The following POLR3B variants were observed in gnomAD, a reference collection of about 807,000 sequenced individuals.
POLR3B encodes the protein RNA polymerase III subunit B.
Under a neutral mutation model 147.4 loss-of-function variants are expected in POLR3B, and 96 were observed. That is an observed-to-expected ratio of 0.65 (90% CI 0.55 to 0.77). The LOEUF is 0.77. Among genes scored for constraint, POLR3B ranks in the 30% least tolerant of loss-of-function variants. The pLI is 0.00. For synonymous variants in POLR3B, 461 were observed against 485.9 expected (o/e 0.95, Z 0.67); for missense variants, 1,036 against 1,413.5 (o/e 0.73, Z 4.28).
chr12:106,455,948 G>A (rs1190399376), intron 20 of POLR3B, among the ~76,000 whole-genome samples: 1 of 152,114 alleles, frequency 6.6e-6, no homozygotes, highest in Non-Finnish European at 1.5e-5. Context: ...ACTTTTACCT[G>A]ATTGATTTCT....
intron 12 of POLR3B, among the ~76,000 whole-genome samples, chr12:106,412,828 C>T (rs531495689): frequency 6.6e-6 from 1 of 152,296 alleles, no homozygotes; most frequent in East Asian, 1.9e-4. Context: ...CTTGTTTCAG[C>T]TCTCATACTG....
At position 106,463,527 on chromosome 12, in the gene POLR3B, A is replaced by T; in HGVS notation, c.2620A>T (p.Asn874Tyr). The T allele has an allele frequency of 6.2e-7, 1 of 1,610,178 alleles. No individual in the cohort carries two copies. The part of the protein sequence containing the change: ...SYIEKVMISS[N>Y]AEDAFLIKML... ...TATTGAAAAAGTGATGATATCTTCA[A>T]ATGCTGAAGATGCTTTTCTGATCAA... The change falls in exon 23 of 28, where the codon AAT becomes TAT. Residue 874 changes from asparagine (N) to tyrosine (Y), a missense_variant. Asn to Tyr is a moderately radical substitution (Grantham distance 143). Coordinates refer to ENST00000228347, the MANE Select transcript of POLR3B (RefSeq NM_018082.6).
intron 10 of POLR3B, among the ~76,000 whole-genome samples, chr12:106,398,030 G>A (rs1253956343): frequency 6.6e-6 from 1 of 152,238 alleles, no homozygotes; most frequent in Non-Finnish European, 1.5e-5. Context: ...AAAGCAGGGC[G>A]ACGCATCACC....
intron 22 of POLR3B, among the ~76,000 whole-genome samples, chr12:106,462,855 C>T (rs1565903992): frequency 6.6e-6 from 1 of 152,108 alleles, no homozygotes; most frequent in Admixed American, 6.5e-5. Flanking sequence ...TTGCCACTTC[C>T]TGCCACCACT....
Position 106,504,163 on chromosome 12 carries a change from A to G in POLR3B, c.3181A>G (p.Ser1061Gly). Residue 1061 changes from serine (S) to glycine (G), a missense_variant, in exon 27 of 28, where the codon AGT becomes GGT. Around this residue, in one of 12 missense-constraint regions of POLR3B, gnomAD observed 69 missense variants for 89.8 expected, o/e 0.77. Transcript: ENST00000228347. This position sits in a 1 kb window ranked among gnomAD's most constrained non-coding sequence, Gnocchi z 4.6. ...ERDCLIGYGA[S>G]MLLLERLMIS... is the part of the protein sequence containing the mutation. ...TGACTGTTTAATCGGTTATGGAGCC[A>G]GTATGCTTTTGCTAGAGAGACTAAT... 1 of 1,614,120 alleles carries G rather than the reference A, an allele frequency of 6.2e-7. No homozygotes were observed. Among genetic ancestry groups the G allele is most frequent in the Non-Finnish European group, 8.5e-7 (1 of 1,179,936 alleles).
intron 21 of POLR3B, among the ~76,000 whole-genome samples, chr12:106,458,936 G>T (rs1477024587): frequency 2.0e-5 from 3 of 152,164 alleles, no homozygotes; most frequent in Non-Finnish European, 2.9e-5. Context: ...AACACCCTAA[G>T]AGATATATAA....
intron 12 of POLR3B, among the ~76,000 whole-genome samples, chr12:106,426,727 T>TA (rs2037442110): frequency 6.6e-6 from 1 of 151,398 alleles, no homozygotes; most frequent in Non-Finnish European, 1.5e-5. Flanking sequence ...CAGGGATGGG[T>TA]AGATAATGGC....
At chr12:106,444,676 T>C (rs1188480754) in intron 19 of POLR3B, 86 bp downstream of exon 19, 46 of 1,413,532 alleles carry the variant, frequency 3.3e-5, no homozygotes, top group Non-Finnish European at 9.9e-7. Flanking sequence ...GCTTCACCAG[T>C]ATTATATGTT....
At chr12:106,463,663 G>C in intron 23 of POLR3B, 43 bp downstream of exon 23, 1 of 1,528,344 alleles carries the variant, frequency 6.5e-7, no homozygotes, top group Middle Eastern at 1.7e-4. Context: ...AACAATATAT[G>C]AATGTATTTG....
intron 18 of POLR3B, 118 bp from the exon 19 acceptor site, chr12:106,444,345 A>G (rs911433944): frequency 4.2e-6 from 4 of 952,612 alleles, no homozygotes; most frequent in South Asian, 1.4e-5. Context: ...ACTAGCATCA[A>G]ATTTTATTGA....
chr12:106,385,646 A>G (rs1218181898), intron 9 of POLR3B, among the ~76,000 whole-genome samples: 1 of 152,224 alleles, frequency 6.6e-6, no homozygotes, highest in Non-Finnish European at 1.5e-5. Flanking sequence ...GTAGCCCTCA[A>G]ATCAGTCTGG....
rs746506474 is a variant in POLR3B at position 106,430,351 on chromosome 12, G to A, written c.1342G>A (p.Ala448Thr). Residue 448 changes from alanine (A) to threonine (T), a missense_variant, in exon 14 of 28, where the codon GCA (alanine) becomes ACA (threonine). Physicochemically the swap from Ala to Thr is moderately conservative, Grantham distance 58 (BLOSUM62 0). This residue lies in a region of POLR3B where 89 missense variants were observed against 110.9 expected (regional missense o/e 0.80). Transcript: ENST00000228347. ...GCTGTCTCGCTTGTCATATATATCCGCACTGGGCATGATGACAAGAATCTC... is the reference window on the plus strand; with the variant it reads ...GCTGTCTCGCTTGTCATATATATCCACACTGGGCATGATGACAAGAATCTC... Reference protein sequence around the residue: ...QVLSRLSYISALGMMTRISSQ... With the variant: ...QVLSRLSYISTLGMMTRISSQ... 5.6e-6 allele frequency: 9 copies of A among 1,613,858 alleles called. No individual in the cohort carries two copies. The highest frequency in any genetic ancestry group is 4.5e-5 in the East Asian group (2 of 44,858).
chr12:106,460,654 C>T (rs1489521511), intron 22 of POLR3B, among the ~76,000 whole-genome samples: 2 of 152,190 alleles, frequency 1.3e-5, no homozygotes, highest in Admixed American at 6.5e-5. Context: ...GGTGCCTCTG[C>T]TGGTTGGCTC....
chr12:106,430,170 G>C, intron 13 of POLR3B, 103 bp from the exon 14 acceptor site: 1 of 834,650 alleles, frequency 1.2e-6, no homozygotes, highest in Non-Finnish European at 2.1e-6. Context: ...TTCTAATTTC[G>C]TAAGCATGAA....
intron 23 of POLR3B, among the ~76,000 whole-genome samples, chr12:106,489,245 AC>A (rs1439936683): frequency 1.3e-5 from 2 of 152,248 alleles, no homozygotes; most frequent in Non-Finnish European, 2.9e-5. Flanking sequence ...ATCCTTAAGG[AC>A]CAGACAGCTA....
chr12:106,456,126 T>G (rs1397062487), intron 20 of POLR3B, among the ~76,000 whole-genome samples: 1 of 152,108 alleles, frequency 6.6e-6, no homozygotes, highest in Non-Finnish European at 1.5e-5. Flanking sequence ...AGTAAGAGAA[T>G]CCAGTTTAAA....
chr12:106,451,584 T>C (rs1381284057), intron 19 of POLR3B, among the ~76,000 whole-genome samples: 1 of 124,968 alleles, frequency 8.0e-6, no homozygotes, highest in African/African-American at 3.1e-5. Context: ...ATTGTAACAC[T>C]GCACTCCAGC....
At chr12:106,366,398 A>G in intron 2 of POLR3B, 118 bp from the exon 3 acceptor site, 1 of 707,430 alleles carries the variant, frequency 1.4e-6, no homozygotes, top group East Asian at 2.7e-5. Context: ...TTTGATTTTG[A>G]TAAAAATTTG....
chr12:106,444,441 T>A (rs2037695341), intron 18 of POLR3B, 22 bp from the exon 19 acceptor site: 1 of 1,613,366 alleles, frequency 6.2e-7, no homozygotes, highest in Non-Finnish European at 8.5e-7. Context: ...TTAAGATATG[T>A]GATTTTTACT....
Sources: gnomAD v4.1 joint callset for allele counts (sites outside exome capture counted in the v4.1 genomes callset) on GRCh38, gnomAD v4.1.1 for gene constraint, gnomAD v4.1.1 regional missense constraint, Gnocchi (gnomAD v3.1) non-coding constraint, MANE v1.5 for transcripts, NCBI Gene and HGNC (gene_info 2026-07-23, HGNC 2026-07-21) for gene names.